Variants in ANKRD36C observed in about 807,000 individuals in gnomAD.
ANKRD36C encodes ankyrin repeat domain-containing protein 36C.
ANKRD36C carries 61 observed loss-of-function variants against 276.4 expected under a neutral mutation model. The observed-to-expected ratio is 0.22, with a 90% CI of 0.18 to 0.27. The LOEUF (loss-of-function observed/expected upper bound fraction) is 0.27, where lower values mean the gene tolerates loss of function less well. ANKRD36C is among the 10% of genes least tolerant of loss of function. The probability of loss-of-function intolerance (pLI) is 1.00; values close to 1 mark genes in which losing one functional copy is unlikely to be tolerated. For missense variants in ANKRD36C, 1,447 were observed against 2,032.3 expected (o/e 0.71, Z 5.54); for synonymous variants, 483 against 680.1 (o/e 0.71, Z 4.51).
intron 44 of ANKRD36C, chr2:95,893,703 G>A (rs777986954): frequency 5.6e-6 from 9 of 1,605,512 alleles, no homozygotes; most frequent in Admixed American, 1.7e-5. Flanking sequence ...TACCTTCAAG[G>A]CTGGTGGTTT....
At chr2:95,966,379 T>G (rs1371335391) in intron 6 of ANKRD36C, among the ~76,000 whole-genome samples, 2 of 152,218 alleles carry the variant, frequency 1.3e-5, no homozygotes, top group African/African-American at 4.8e-5. Flanking sequence ...TTCAGTTTCC[T>G]GCACAAGGCT....
chr2:95,944,864 T>G (rs1217178507), intron 18 of ANKRD36C, among the ~76,000 whole-genome samples, 170 bp from the exon 19 acceptor site: 1 of 152,208 alleles, frequency 6.6e-6, no homozygotes, highest in Non-Finnish European at 1.5e-5. Context: ...ATGGTGAAAC[T>G]CCATCTCTAC....
In ANKRD36C at chr2:95,944,596, T is replaced by A. The variant is rs749934817; in HGVS notation, c.1491+31A>T. On this transcript the variant is annotated intron_variant, in intron 19 of 66. Transcript: ENST00000456556. ...GAACAGGACTGGACTCTGATTATTC[T>A]ATGTTGGCTTTTAACCACATCTTCA... is the stretch of plus-strand genomic sequence containing the variant. 3 of 1,531,348 alleles carry A rather than the reference T, an allele frequency of 2.0e-6. No homozygotes were observed. The African/African-American group carries it at 4.1e-5, about 21-fold the overall frequency. The allele number at this position is 1,531,348 out of a possible 1,614,324, so 94.9% of individuals were successfully genotyped here.
At chr2:95,960,219 G>C (rs1354543836) in intron 10 of ANKRD36C, among the ~76,000 whole-genome samples, 1 of 152,034 alleles carries the variant, frequency 6.6e-6, no homozygotes, top group Non-Finnish European at 1.5e-5. Flanking sequence ...CCCTCAGCCT[G>C]TTGTATCTTG....
At chr2:95,878,537 A>G (rs1274740837) in intron 58 of ANKRD36C, among the ~76,000 whole-genome samples, 1 of 152,204 alleles carries the variant, frequency 6.6e-6, no homozygotes, top group Non-Finnish European at 1.5e-5. Context: ...TATTCCCACC[A>G]CAAATAAAGA....
At chr2:95,891,256 T>C (rs996585875) in intron 46 of ANKRD36C, among the ~76,000 whole-genome samples, 4 of 150,804 alleles carry the variant, frequency 2.7e-5, no homozygotes, top group African/African-American at 9.7e-5. Context: ...TCCTTAGTTC[T>C]CCTAACAGTG....
intron 6 of ANKRD36C, among the ~76,000 whole-genome samples, chr2:95,963,943 A>AT (rs1678515544): frequency 8.9e-6 from 1 of 112,984 alleles, no homozygotes; most frequent in Non-Finnish European, 1.8e-5. Context: ...ATACATATAT[A>AT]AATATATATA....
chr2:95,948,423 A>T, intron 17 of ANKRD36C, 107 bp downstream of exon 17: 11 of 1,178,684 alleles, frequency 9.3e-6, no homozygotes, highest in Non-Finnish European at 1.3e-5. Context: ...AAGTTTTAAT[A>T]CTAACATAAA....
exon 62 of ANKRD36C, chr2:95,857,348 T>C (rs10211258): frequency 0.69 from 1,105,883 of 1,595,874 alleles, 383,276 homozygotes; most frequent in Admixed American, 0.76. Flanking sequence ...ATTCCACCTC[T>C]GCTGATTTGA....
intron 6 of ANKRD36C, among the ~76,000 whole-genome samples, chr2:95,975,647 C>A (rs1322016718): frequency 6.6e-6 from 1 of 152,100 alleles, no homozygotes; most frequent in Non-Finnish European, 1.5e-5. Context: ...TAAAGACTTA[C>A]ACGTTAGACC....
At chr2:95,916,706 A>G (rs1224619509) in intron 36 of ANKRD36C, among the ~76,000 whole-genome samples, 1 of 151,674 alleles carries the variant, frequency 6.6e-6, no homozygotes, top group Non-Finnish European at 1.5e-5. Context: ...CACCTTGGAT[A>G]TCTGTTTGCT....
At chr2:95,960,901 T>A (rs1239139937) in intron 8 of ANKRD36C, among the ~76,000 whole-genome samples, 1 of 152,136 alleles carries the variant, frequency 6.6e-6, no homozygotes. Flanking sequence ...ATTCTTCATA[T>A]GTCTATTACT....
At chr2:95,942,111 A>G (rs1291462772) in intron 19 of ANKRD36C, among the ~76,000 whole-genome samples, 2 of 151,800 alleles carry the variant, frequency 1.3e-5, no homozygotes, top group African/African-American at 4.9e-5. Context: ...AAGGGGACTT[A>G]GAAGACTGAT....
intron 4 of ANKRD36C, among the ~76,000 whole-genome samples, chr2:95,981,803 T>G (rs973979152): frequency 2.0e-5 from 3 of 151,996 alleles, no homozygotes; most frequent in Admixed American, 1.3e-4. Context: ...AAGTAAAGTT[T>G]TATCCATTTA....
intron 1 of ANKRD36C, among the ~76,000 whole-genome samples, chr2:95,987,708 G>A (rs1313269375): frequency 7.2e-6 from 1 of 138,486 alleles, no homozygotes; most frequent in African/African-American, 2.7e-5. Flanking sequence ...TGCAAGCTCC[G>A]CTTCCCGGGT....
At chr2:95,914,119 T>G in exon 40 of ANKRD36C, 1 of 1,571,046 alleles carries the variant, frequency 6.4e-7, no homozygotes, top group Admixed American at 1.9e-5. Flanking sequence ...TCTCCTAGTT[T>G]TTTCTCCATC....
intron 61 of ANKRD36C, 146 bp from the exon 82 acceptor site, chr2:95,857,638 G>A: frequency 1.6e-6 from 1 of 615,180 alleles, no homozygotes; most frequent in Non-Finnish European, 2.8e-6. Context: ...ATTTGACCCT[G>A]TATATTGTGA....
At chr2:95,978,304 C>T (rs1339465090) in intron 5 of ANKRD36C, 115 bp from the exon 6 acceptor site, 2 of 367,594 alleles carry the variant, frequency 5.4e-6, no homozygotes, top group African/African-American at 2.2e-5. Context: ...TTATCCTATA[C>T]ACTTCTCTTC....
intron 19 of ANKRD36C, among the ~76,000 whole-genome samples, chr2:95,944,145 A>G (rs527265065): frequency 6.6e-6 from 1 of 152,340 alleles, no homozygotes; most frequent in African/African-American, 2.4e-5. Flanking sequence ...AAATAATTCT[A>G]TAATATGATA....
Sources: gnomAD v4.1 joint callset for allele counts (sites outside exome capture counted in the v4.1 genomes callset) on GRCh38, gnomAD v4.1.1 for gene constraint, MANE v1.5 for transcripts, NCBI Gene and HGNC (gene_info 2026-07-23, HGNC 2026-07-21) for gene names.